The following KIRREL1 variants were observed in gnomAD, a reference collection of about 807,000 sequenced individuals.
KIRREL1 encodes the protein kirre like nephrin family adhesion molecule 1.
A neutral mutation model predicts 83.3 loss-of-function variants in KIRREL1; 25 were observed. The observed-to-expected ratio is 0.30, with a 90% CI of 0.22 to 0.42. KIRREL1 has a LOEUF of 0.42. Among genes scored for constraint, KIRREL1 ranks in the 10% least tolerant of loss-of-function variants. KIRREL1 has a pLI of 1.00. For synonymous variants in KIRREL1, 388 were observed against 410.4 expected (o/e 0.95, Z 0.66); for missense variants, 812 against 1,032.3 (o/e 0.79, Z 2.92).
At chr1:158,069,898 C>T (rs1412532993) in intron 1 of KIRREL1, among the ~76,000 whole-genome samples, 3 of 152,198 alleles carry the variant, frequency 2.0e-5, no homozygotes, top group Non-Finnish European at 4.4e-5. Context: ...CAGTCATTGG[C>T]CCTTTATAAG....
intron 1 of KIRREL1, among the ~76,000 whole-genome samples, chr1:158,035,337 C>T (rs1660446896): frequency 6.6e-6 from 1 of 152,218 alleles, no homozygotes; most frequent in Non-Finnish European, 1.5e-5. Flanking sequence ...CGACTGCCCT[C>T]ATGGAGCCTG....
intron 1 of KIRREL1, among the ~76,000 whole-genome samples, chr1:158,059,205 C>T (rs574502576): frequency 6.6e-6 from 1 of 152,182 alleles, no homozygotes; most frequent in African/African-American, 2.4e-5. Flanking sequence ...TTCACTTACT[C>T]CCTGTCAGAT....
intron 1 of KIRREL1, among the ~76,000 whole-genome samples, chr1:158,054,870 C>T (rs1300058887): frequency 3.3e-5 from 5 of 152,134 alleles, no homozygotes; most frequent in Non-Finnish European, 5.9e-5. Flanking sequence ...GACAATAGAG[C>T]GACAGGGAAG....
At chr1:158,034,216 G>A (rs1460438685) in intron 1 of KIRREL1, among the ~76,000 whole-genome samples, 1 of 144,368 alleles carries the variant, frequency 6.9e-6, no homozygotes, top group Non-Finnish European at 1.5e-5. Flanking sequence ...CTTGCAGTGA[G>A]CCGAGATAGC....
At chr1:158,021,885 T>C (rs1173969779) in intron 1 of KIRREL1, among the ~76,000 whole-genome samples, 1 of 152,178 alleles carries the variant, frequency 6.6e-6, no homozygotes, top group African/African-American at 2.4e-5. Context: ...TGTTAAGTAC[T>C]GAAGGGACAG....
rs1051975256 is a variant in KIRREL1, at chr1:158,057,443, T to C, written c.53-18670T>C. On this transcript the variant is annotated intron_variant, in intron 1 of 14. Transcript: ENST00000359209. Reference sequence around the variant, plus strand: ...TGTGTGCAAGATAAGTACTCCTGTCTTTTAATTTGTCTCCAGGGCTTTTCA... The same window carrying C: ...TGTGTGCAAGATAAGTACTCCTGTCCTTTAATTTGTCTCCAGGGCTTTTCA... Among the ~76,000 whole-genome samples the C allele has an allele frequency of 2.0e-5, 3 of 152,316 alleles. No homozygotes were observed. In the Middle Eastern group the frequency reaches 0.01, roughly 518 times the overall value.
intron 1 of KIRREL1, among the ~76,000 whole-genome samples, chr1:158,056,912 C>G (rs934472502): frequency 2.0e-5 from 3 of 152,148 alleles, no homozygotes; most frequent in African/African-American, 7.2e-5. Flanking sequence ...GGGAAGGAGT[C>G]ATTCAGTCTT....
intron 1 of KIRREL1, among the ~76,000 whole-genome samples, chr1:158,059,215 T>C (rs1027207663): frequency 1.3e-5 from 2 of 152,192 alleles, no homozygotes; most frequent in African/African-American, 4.8e-5. Context: ...CCCTGTCAGA[T>C]TTCTCTCTGC....
chr1:158,059,624 G>A (rs1291358639), intron 1 of KIRREL1, among the ~76,000 whole-genome samples: 2 of 152,144 alleles, frequency 1.3e-5, no homozygotes, highest in Non-Finnish European at 2.9e-5. Flanking sequence ...GTGGCCTTTA[G>A]GATTAGGGTA....
chr1:158,020,600 C>CAAAAAAAAAAAAAAAAAAAAAAAAAAAA (rs370156588), intron 1 of KIRREL1, among the ~76,000 whole-genome samples: 1 of 83,678 alleles, frequency 1.2e-5, no homozygotes, highest in Non-Finnish European at 2.1e-5. Context: ...TACAGTAAAT[C>CAAAAAAAAAAAAAAAAAAAAAAAAAAAA]AAAAAAAAAA....
intron 4 of KIRREL1, among the ~76,000 whole-genome samples, chr1:158,085,496 T>C (rs1176040968): frequency 6.6e-6 from 1 of 152,232 alleles, no homozygotes. Flanking sequence ...AACCAAAAAC[T>C]GTGATTTTTC....
At chr1:158,010,356 CACACA>C (rs1659641609) in intron 1 of KIRREL1, among the ~76,000 whole-genome samples, 30 of 139,758 alleles carry the variant, frequency 2.1e-4, no homozygotes, top group Admixed American at 1.0e-3. Flanking sequence ...CACACACACA[CACACA>C]CCCCACACAG....
At chr1:158,090,139 T>G in intron 10 of KIRREL1, among the ~76,000 whole-genome samples, 1 of 151,834 alleles carries the variant, frequency 6.6e-6, no homozygotes, top group East Asian at 1.9e-4. Context: ...GGCCAGCACT[T>G]GATTCATGTT....
chr1:158,099,622 A>C lies in KIRREL1; in HGVS notation c.*4502A>C, dbSNP rs539340278. On this transcript the variant is annotated 3_prime_UTR_variant, in exon 15 of 15. Transcript: ENST00000359209. ...AGGCCATACTGGGCAGTTCTGGTAC[A>C]AACCTGCCCTTATTAATAATAACAA... is the stretch of plus-strand genomic sequence containing the variant. The C allele has an allele frequency of 6.6e-6, 1 of 152,298 alleles. No homozygotes were observed. Among genetic ancestry groups the C allele is most frequent in the Admixed American group, 6.5e-5 (1 of 15,308 alleles). The allele number at this position is 152,298 out of a possible 1,614,324, so 9.4% of individuals were successfully genotyped here. A position where few individuals can be genotyped will look rare whatever the true frequency, so the allele number is the denominator to read the frequency against.
chr1:158,087,515 C>T (rs550779309), intron 5 of KIRREL1, among the ~76,000 whole-genome samples: 1 of 152,154 alleles, frequency 6.6e-6, no homozygotes, highest in South Asian at 2.1e-4. Context: ...CACAGTGGGT[C>T]ATTAGTCCAT....
intron 1 of KIRREL1, among the ~76,000 whole-genome samples, chr1:158,033,871 T>TG (rs1226350352): frequency 1.3e-5 from 2 of 151,530 alleles, no homozygotes; most frequent in Non-Finnish European, 2.9e-5. Flanking sequence ...TCCCAGCTAC[T>TG]GGGGGGCTGA....
chr1:158,034,083 C>G (rs964799175), intron 1 of KIRREL1, among the ~76,000 whole-genome samples: 6 of 151,866 alleles, frequency 4.0e-5, no homozygotes, highest in African/African-American at 1.5e-4. Context: ...ACCATCTGGA[C>G]TAACACGGTG....
At chr1:158,031,714 G>A (rs1660331415) in intron 1 of KIRREL1, among the ~76,000 whole-genome samples, 1 of 152,244 alleles carries the variant, frequency 6.6e-6, no homozygotes, top group South Asian at 2.1e-4. Flanking sequence ...GGAGGGAAAA[G>A]AGTTTTAGTC....
chr1:158,074,967 C>T (rs1347975194), intron 1 of KIRREL1, among the ~76,000 whole-genome samples: 12 of 152,090 alleles, frequency 7.9e-5, no homozygotes, highest in Admixed American at 4.6e-4. Flanking sequence ...TGGGGAGAGC[C>T]GATTTCAGTT....
Sources: allele counts gnomAD v4.1 joint callset (sites outside exome capture counted in the v4.1 genomes callset), GRCh38; gene constraint gnomAD v4.1.1; transcripts MANE v1.5; gene names NCBI Gene and HGNC (gene_info 2026-07-23, HGNC 2026-07-21).